CDKL5: variants seen among roughly 807,000 people sequenced by gnomAD.
CDKL5 encodes the protein cyclin-dependent kinase-like 5.
In CDKL5, 8 loss-of-function variants were observed where a neutral mutation model predicts 61.7. The ratio of observed to expected loss-of-function variants is 0.13; its 90% confidence interval spans 0.08 to 0.23. CDKL5 has a LOEUF of 0.23. CDKL5 is among the 10% of genes least tolerant of loss of function. The pLI is 1.00. For missense variants in CDKL5, 440 were observed against 734.5 expected (o/e 0.60, Z 4.63); for synonymous variants, 275 against 272.3 (o/e 1.01, Z -0.10).
At chrX:18,435,948 C>T (rs1026868601) in intron 1 of CDKL5, among the ~76,000 whole-genome samples, 1 of 110,990 alleles carries the variant, frequency 9.0e-6, no homozygotes, top group African/African-American at 3.3e-5. Context: ...GGTTAGGGTG[C>T]TGACCCTCAC....
intron 1 of CDKL5, among the ~76,000 whole-genome samples, chrX:18,444,373 T>G: frequency 8.9e-6 from 1 of 112,214 alleles, no homozygotes; most frequent in Middle Eastern, 4.7e-3. Context: ...GCTGTGCAGT[T>G]AATTTGTTAA....
intron 20 of CDKL5, among the ~76,000 whole-genome samples, chrX:18,649,118 T>C (rs1305837964): frequency 5.4e-5 from 6 of 110,518 alleles, no homozygotes; most frequent in African/African-American, 2.0e-4. Flanking sequence ...CTACCCCTAA[T>C]TTTTTTTACC....
intron 3 of CDKL5, among the ~76,000 whole-genome samples, chrX:18,534,921 G>A (rs368706486): frequency 8.9e-6 from 1 of 112,408 alleles, no homozygotes; most frequent in East Asian, 2.8e-4. Flanking sequence ...AGCGAGGAAG[G>A]TACCAAACAG....
intron 1 of CDKL5, among the ~76,000 whole-genome samples, chrX:18,448,437 G>A (rs745566773): frequency 1.8e-5 from 2 of 111,750 alleles, no homozygotes; most frequent in African/African-American, 3.3e-5. Context: ...TGCCTCATAC[G>A]CTATGCTCCG....
At chrX:18,442,642 C>T (rs1202161579) in intron 1 of CDKL5, among the ~76,000 whole-genome samples, 1 of 110,823 alleles carries the variant, frequency 9.0e-6, no homozygotes. Flanking sequence ...TACAGGTGCC[C>T]GCCTCCACGC....
chrX:18,472,709 G>A (rs756131786), intron 1 of CDKL5, among the ~76,000 whole-genome samples: 15 of 110,412 alleles, frequency 1.4e-4, no homozygotes, highest in Non-Finnish European at 1.9e-4. Context: ...GCGACACATC[G>A]TTTGTGTTCT....
At chrX:18,431,618 G>A (rs1931492641) in intron 1 of CDKL5, among the ~76,000 whole-genome samples, 2 of 108,282 alleles carry the variant, frequency 1.8e-5, no homozygotes, top group Non-Finnish European at 3.8e-5. Flanking sequence ...AGTAGAGACG[G>A]GTTTCACCAT....
chrX:18,538,784 A>C (rs747889251), intron 3 of CDKL5, among the ~76,000 whole-genome samples: 2 of 112,243 alleles, frequency 1.8e-5, no homozygotes, highest in African/African-American at 6.5e-5. Context: ...TAGTTTCTAG[A>C]TGAGACTGTA....
Position 18,497,882 on chromosome X carries a change from A to G in CDKL5, c.-162-9053A>G, listed in dbSNP as rs527721010. ...GGCAGTGCACAGTGCACAGTGCACA[A>G]TCACGGCTCACCGCAGCTGTGATCA... On this transcript the variant is annotated intron_variant, in intron 1 of 17. Coordinates refer to ENST00000623535, the MANE Select transcript of CDKL5 (RefSeq NM_001323289.2). Among the ~76,000 whole-genome samples, 8 of 108,664 alleles carry G rather than the reference A, an allele frequency of 7.4e-5. No homozygotes were observed. The South Asian group carries it at 2.9e-3, about 40-fold the overall frequency. 94.4% of individuals were successfully genotyped at this position (108,664 alleles called of 115,157 possible).
intron 1 of CDKL5, among the ~76,000 whole-genome samples, chrX:18,459,151 G>C (rs1047791049): frequency 1.8e-5 from 2 of 112,418 alleles, no homozygotes; most frequent in African/African-American, 3.2e-5. Context: ...TTTATTCAAC[G>C]TGTATCCTGG....
intron 3 of CDKL5, 48 bp from the exon 4 acceptor site, chrX:18,564,429 G>T (rs370851895): frequency 1.9e-4 from 189 of 972,646 alleles, no homozygotes; most frequent in Middle Eastern, 5.2e-4. Flanking sequence ...ATCCCCAGTC[G>T]GAAAAACACT....
At chrX:18,480,057 A>AT (rs1296039331) in intron 1 of CDKL5, among the ~76,000 whole-genome samples, 2 of 112,099 alleles carry the variant, frequency 1.8e-5, no homozygotes, top group East Asian at 5.6e-4. Context: ...ATTGTTAGTG[A>AT]TTATTGATTA....
intron 11 of CDKL5, among the ~76,000 whole-genome samples, chrX:18,602,942 C>T (rs149317955): frequency 4.8e-4 from 54 of 111,770 alleles, no homozygotes; most frequent in African/African-American, 1.8e-3. Context: ...CTAGTCTGTC[C>T]CAAACTACAA....
chrX:18,524,993 G>T (rs1267811893), intron 3 of CDKL5, among the ~76,000 whole-genome samples: 2 of 111,627 alleles, frequency 1.8e-5, no homozygotes, highest in Non-Finnish European at 3.8e-5. Context: ...TGCAGTCATG[G>T]CTCACTACAG....
At chrX:18,616,926 C>G (rs1926734632) in intron 15 of CDKL5, among the ~76,000 whole-genome samples, 1 of 111,085 alleles carries the variant, frequency 9.0e-6, no homozygotes, top group South Asian at 3.9e-4. Context: ...ATACTGAAGT[C>G]CCATAAGCCT....
intron 1 of CDKL5, among the ~76,000 whole-genome samples, chrX:18,500,044 G>C (rs1368978881): frequency 9.0e-6 from 1 of 111,634 alleles, no homozygotes; most frequent in Non-Finnish European, 1.9e-5. Flanking sequence ...GTTCAAGTTT[G>C]TCCAAGGGCT....
chrX:18,496,623 A>G (rs774111043), intron 1 of CDKL5, among the ~76,000 whole-genome samples: 33 of 111,842 alleles, frequency 3.0e-4, no homozygotes, highest in Non-Finnish European at 5.6e-4. Context: ...TATGTCAAAG[A>G]AATATATTTT....
chrX:18,528,801 CTT>C (rs1244152259), intron 3 of CDKL5, among the ~76,000 whole-genome samples: 1 of 110,746 alleles, frequency 9.0e-6, no homozygotes, highest in African/African-American at 3.3e-5. Context: ...GCCTGGCTAA[CTT>C]TTTGTATTTT....
intron 10 of CDKL5, among the ~76,000 whole-genome samples, chrX:18,595,963 T>G (rs1375943850): frequency 8.9e-6 from 1 of 111,737 alleles, no homozygotes. Flanking sequence ...GTCTTCCTGC[T>G]CTATACTCTA....
Sources: gnomAD v4.1 joint callset for allele counts (sites outside exome capture counted in the v4.1 genomes callset) on GRCh38, gnomAD v4.1.1 for gene constraint, MANE v1.5 for transcripts, NCBI Gene and HGNC (gene_info 2026-07-23, HGNC 2026-07-21) for gene names.